The following CHMP2B variants were observed in gnomAD, a reference collection of about 807,000 sequenced individuals.
CHMP2B encodes VPS2 homolog B.
CHMP2B carries 22 observed loss-of-function variants against 29.8 expected under a neutral mutation model. The observed-to-expected ratio is 0.74, with a 90% confidence interval of 0.53 to 1.05. The LOEUF is 1.05. CHMP2B is among the 50% of genes least tolerant of loss of function. The pLI is 0.00. For synonymous variants in CHMP2B, 78 were observed against 75.8 expected, an observed-to-expected ratio of 1.03 and a Z score of -0.15; for missense variants, 261 against 252.2, an observed-to-expected ratio of 1.03 and a Z score of -0.24.
chr3:87,231,838 A>G (rs535645902), intron 1 of CHMP2B, among the ~76,000 whole-genome samples: 1 of 152,158 alleles, frequency 6.6e-6, no homozygotes, highest in South Asian at 2.1e-4. Context: ...AGTCTCTATG[A>G]AGTACTCCTT....
chr3:87,235,902 A>G (rs1705999799), intron 1 of CHMP2B, among the ~76,000 whole-genome samples: 1 of 152,198 alleles, frequency 6.6e-6, no homozygotes, highest in African/African-American at 2.4e-5. Flanking sequence ...CTTCATCTTC[A>G]ACTTTGATAA....
chr3:87,236,333 C>G (rs1235380746), intron 1 of CHMP2B, among the ~76,000 whole-genome samples: 3 of 152,102 alleles, frequency 2.0e-5, no homozygotes, highest in Admixed American at 6.5e-5. Flanking sequence ...TCCTATCATT[C>G]AGGAAATTCC....
At chr3:87,241,753 A>T (rs1706122906) in intron 2 of CHMP2B, among the ~76,000 whole-genome samples, 1 of 152,184 alleles carries the variant, frequency 6.6e-6, no homozygotes, top group East Asian at 1.9e-4. Flanking sequence ...TATTTGAATA[A>T]AGTTACTTTA....
At chr3:87,234,402 C>A (rs1298658449) in intron 1 of CHMP2B, among the ~76,000 whole-genome samples, 1 of 152,126 alleles carries the variant, frequency 6.6e-6, no homozygotes, top group East Asian at 1.9e-4. Flanking sequence ...AGTCTATGAT[C>A]TCATCACTCT....
At chr3:87,240,012 T>C (rs1381274512) in intron 1 of CHMP2B, among the ~76,000 whole-genome samples, 1 of 152,066 alleles carries the variant, frequency 6.6e-6, no homozygotes, top group Non-Finnish European at 1.5e-5. Context: ...TAACCTGTCT[T>C]CCTTCCTGAA....
Position 87,249,929 on chromosome 3 carries a change from C to T in CHMP2B, c.376C>T (p.Gln126Ter), listed in dbSNP as rs1203007423. The T allele has an allele frequency of 1.2e-5, 19 of 1,604,396 alleles. No individual in the cohort carries two copies. Among genetic ancestry groups the T allele is most frequent in the Non-Finnish European group, 1.6e-5 (19 of 1,173,536 alleles). ...MDPQKTLQTM[Q>*]NFQKENMKME... ...TCCACAAAAGACATTACAAACAATG[C>T]AGAATTTCCAGAAGGAAAACATGAA... The change falls in exon 4 of 6, where the codon CAG (glutamine) becomes TAG (stop). Residue 126 changes from glutamine to a stop codon, truncating the protein, a stop_gained. Coordinates refer to ENST00000263780, the MANE Select transcript of CHMP2B (RefSeq NM_014043.4). LOFTEE classifies it high-confidence loss of function.
chr3:87,232,012 G>A (rs1342991575), intron 1 of CHMP2B, among the ~76,000 whole-genome samples: 1 of 152,140 alleles, frequency 6.6e-6, no homozygotes, highest in East Asian at 1.9e-4. Context: ...ATCTGCAAGA[G>A]TTTCTAATTT....
chr3:87,255,003 T>A lies in CHMP2B; in HGVS notation c.*1181T>A, dbSNP rs565571322. ...TGAATGTGTAGACAGGGAGATAAAATGAAGGATTGCCAGACTAGTTAGAAT... is the reference window on the plus strand; with the variant it reads ...TGAATGTGTAGACAGGGAGATAAAAAGAAGGATTGCCAGACTAGTTAGAAT... On this transcript the variant is annotated 3_prime_UTR_variant, in exon 6 of 6. Transcript: ENST00000263780. The A allele has an allele frequency of 6.6e-6, 1 of 152,088 alleles. No homozygotes were observed. Among genetic ancestry groups the A allele is most frequent in the East Asian group, 1.9e-4 (1 of 5,182 alleles). The allele number at this position is 152,088 out of a possible 1,614,324, so 9.4% of individuals were successfully genotyped here.
chr3:87,251,731 G>A (rs1298658929), intron 4 of CHMP2B, among the ~76,000 whole-genome samples: 1 of 151,848 alleles, frequency 6.6e-6, no homozygotes, highest in East Asian at 1.9e-4. Context: ...ACACAAGATC[G>A]TTGGGAAATC....
intron 2 of CHMP2B, among the ~76,000 whole-genome samples, chr3:87,242,687 G>A (rs1000979891): frequency 6.6e-6 from 1 of 152,144 alleles, no homozygotes; most frequent in Non-Finnish European, 1.5e-5. Flanking sequence ...CATATGGAAA[G>A]TCAGTTGTTT....
At chr3:87,246,618 G>T (rs1478137159) in intron 3 of CHMP2B, among the ~76,000 whole-genome samples, 4 of 152,106 alleles carry the variant, frequency 2.6e-5, no homozygotes, top group Non-Finnish European at 5.9e-5. Context: ...GTGTGAGAAG[G>T]TCACATGAAT....
In CHMP2B at chr3:87,254,612, G is replaced by A. The variant is rs1235501562; in HGVS notation, c.*790G>A. The A allele has an allele frequency of 3.3e-5, 5 of 151,900 alleles. No individual in the cohort carries two copies. The highest frequency in any genetic ancestry group is 7.4e-5 in the Non-Finnish European group (5 of 67,866). 9.4% of individuals were successfully genotyped at this position (151,900 alleles called of 1,614,324 possible). A position where few individuals can be genotyped will look rare whatever the true frequency, so the allele number is the denominator to read the frequency against. ...TGTTAAAACAGACCAGGTTTTCCTGGTCTCAGACCTATGATGACTTGTCCC... is the reference window on the plus strand; with the variant it reads ...TGTTAAAACAGACCAGGTTTTCCTGATCTCAGACCTATGATGACTTGTCCC... On this transcript the variant is annotated 3_prime_UTR_variant, in exon 6 of 6. Transcript: ENST00000263780.
chr3:87,245,672 C>G, intron 2 of CHMP2B, 42 bp from the exon 3 acceptor site: 1 of 1,490,902 alleles, frequency 6.7e-7, no homozygotes, highest in Non-Finnish European at 9.3e-7. Flanking sequence ...TGACGACTAC[C>G]CTTTAATAAT....
At chr3:87,245,175 A>G (rs12494366) in intron 2 of CHMP2B, among the ~76,000 whole-genome samples, 3,340 of 152,164 alleles carry the variant, frequency 0.022, 179 homozygotes, top group East Asian at 0.15. Flanking sequence ...CGTATATAGC[A>G]TATATTTTTC....
intron 1 of CHMP2B, among the ~76,000 whole-genome samples, chr3:87,233,233 T>G (rs1216339582): frequency 6.6e-6 from 1 of 152,180 alleles, no homozygotes; most frequent in East Asian, 1.9e-4. Context: ...TTAGTTAAGC[T>G]GATAATATTT....
chr3:87,239,112 T>G (rs1706068672), intron 1 of CHMP2B, among the ~76,000 whole-genome samples: 1 of 152,154 alleles, frequency 6.6e-6, no homozygotes. Context: ...CATTTAAAAG[T>G]TGGGTTGTTT....
intron 1 of CHMP2B, among the ~76,000 whole-genome samples, chr3:87,232,105 A>C (rs1019085092): frequency 2.0e-5 from 3 of 152,188 alleles, no homozygotes; most frequent in Non-Finnish European, 4.4e-5. Flanking sequence ...CTGGATCCAC[A>C]CTTTGCCACC....
At position 87,245,751 on chromosome 3, in the gene CHMP2B, A is replaced by C. The variant is rs1706199348; in HGVS notation, c.164A>C (p.Lys55Thr). Residue 55 changes from lysine to threonine, a missense_variant, in exon 3 of 6, where the codon AAG (lysine) becomes ACG (threonine). Lys to Thr is a moderately conservative substitution (Grantham distance 78, BLOSUM62 -1). Transcript: ENST00000263780. ...EIKKMAKIGNKEACKVLAKQL... is the reference protein window; with the variant it reads ...EIKKMAKIGNTEACKVLAKQL... ...AAGAAAATGGCCAAGATTGGTAATA[A>C]GGAAGCTTGCAAAGTTTTAGCCAAA... is the stretch of plus-strand genomic sequence containing the variant. 1.2e-6 allele frequency: 2 copies of C among 1,613,804 alleles called. No individual in the cohort carries two copies. The highest frequency in any genetic ancestry group is 1.3e-5 in the African/African-American group (1 of 75,036).
chr3:87,254,786 T>G lies in CHMP2B; in HGVS notation c.*964T>G, dbSNP rs1324070563. The G allele has an allele frequency of 2.0e-5, 3 of 151,982 alleles. No individual in the cohort carries two copies. The highest frequency in any genetic ancestry group is 7.2e-5 in the African/African-American group (3 of 41,428). The allele number at this position is 151,982 out of a possible 1,614,324, so 9.4% of individuals were successfully genotyped here. ...ATAATTTAAACTGTTTAATTTTGTT[T>G]AATGTGTATATTGAATCTTCCAAAT... On this transcript the variant is annotated 3_prime_UTR_variant, in exon 6 of 6. Coordinates refer to ENST00000263780, the MANE Select transcript of CHMP2B (RefSeq NM_014043.4).
Sources: gnomAD v4.1 joint callset for allele counts (sites outside exome capture counted in the v4.1 genomes callset) on GRCh38, gnomAD v4.1.1 for gene constraint, MANE v1.5 for transcripts, NCBI Gene and HGNC (gene_info 2026-07-23, HGNC 2026-07-21) for gene names.